Variants in YAP1 observed in about 807,000 individuals in gnomAD.
The protein encoded by YAP1 is transcriptional coactivator YAP1.
Under a neutral mutation model 56.9 loss-of-function variants are expected in YAP1, and 5 were observed. That is an observed-to-expected ratio of 0.09 (90% CI 0.05 to 0.18). The LOEUF is 0.18. Among genes scored for constraint, YAP1 ranks in the 10% least tolerant of loss-of-function variants. The pLI is 1.00. For missense variants in YAP1, 539 were observed against 651.8 expected (o/e 0.83, Z 1.88); for synonymous variants, 265 against 248.1 (o/e 1.07, Z -0.64).
intron 2 of YAP1, among the ~76,000 whole-genome samples, chr11:102,136,484 G>A (rs560228357): frequency 1.3e-5 from 2 of 152,030 alleles, no homozygotes; most frequent in South Asian, 2.1e-4. Context: ...GGGACTACAG[G>A]TGGGTACTGC....
intron 3 of YAP1, among the ~76,000 whole-genome samples, chr11:102,181,298 T>G (rs868658363): frequency 5.9e-5 from 9 of 151,724 alleles, no homozygotes; most frequent in South Asian, 2.1e-4. Flanking sequence ...ACAAAAAAAT[T>G]AGCCGAGCGT....
intron 1 of YAP1, chr11:102,112,633 G>C (rs1943026336): frequency 3.0e-6 from 3 of 984,794 alleles, no homozygotes; most frequent in African/African-American, 1.8e-5. Flanking sequence ...GAGACCAAAG[G>C]GTTTTGGAAC....
At chr11:102,182,248 G>T (rs1348126604) in intron 3 of YAP1, among the ~76,000 whole-genome samples, 4 of 152,174 alleles carry the variant, frequency 2.6e-5, no homozygotes, top group Non-Finnish European at 4.4e-5. Flanking sequence ...CCTTCCAGGT[G>T]ATTCTGATGA....
chr11:102,120,344 G>A (rs989682925), intron 2 of YAP1, among the ~76,000 whole-genome samples: 5 of 152,162 alleles, frequency 3.3e-5, no homozygotes, highest in African/African-American at 1.2e-4. Context: ...TCCTCATTTT[G>A]CTCCTAGCAT....
At chr11:102,128,114 A>G (rs1331689253) in intron 2 of YAP1, among the ~76,000 whole-genome samples, 1 of 152,124 alleles carries the variant, frequency 6.6e-6, no homozygotes, top group Non-Finnish European at 1.5e-5. Context: ...CTTTTGGGTT[A>G]ATGCTGAAAT....
At chr11:102,200,674 A>G (rs1336205750) in intron 4 of YAP1, among the ~76,000 whole-genome samples, 1 of 151,922 alleles carries the variant, frequency 6.6e-6, no homozygotes, top group Non-Finnish European at 1.5e-5. Flanking sequence ...CAAACTTCTG[A>G]CCTCTAGTGA....
chr11:102,161,861 C>G (rs1946311088), intron 2 of YAP1, among the ~76,000 whole-genome samples: 2 of 152,056 alleles, frequency 1.3e-5, no homozygotes, highest in Admixed American at 1.3e-4. Flanking sequence ...AGTAAGTTAA[C>G]AATTATGTAG....
intron 2 of YAP1, among the ~76,000 whole-genome samples, chr11:102,135,897 T>C (rs1042242452): frequency 6.6e-6 from 1 of 152,262 alleles, no homozygotes; most frequent in African/African-American, 2.4e-5. Context: ...TTTTTATTGC[T>C]GTATATTTTC....
chr11:102,148,866 A>G (rs1485075910), intron 2 of YAP1, among the ~76,000 whole-genome samples: 2 of 152,206 alleles, frequency 1.3e-5, no homozygotes, highest in African/African-American at 2.4e-5. Flanking sequence ...CCGATTGATA[A>G]CTTATTGGCT....
chr11:102,179,348 G>C (rs143769577), intron 3 of YAP1, among the ~76,000 whole-genome samples: 1 of 152,122 alleles, frequency 6.6e-6, no homozygotes, highest in Non-Finnish European at 1.5e-5. Flanking sequence ...GGGTGAAAAT[G>C]TGTATTATCC....
chr11:102,111,331 C>A (rs1038186653), intron 1 of YAP1, among the ~76,000 whole-genome samples, 162 bp downstream of exon 1: 3 of 152,054 alleles, frequency 2.0e-5, no homozygotes, highest in Non-Finnish European at 2.9e-5. Flanking sequence ...TCGTCCACTC[C>A]GCCGCGGTGA....
rs536832835 is a variant in YAP1, at chr11:102,231,031, G to A, written c.*1091G>A. 4 of 152,228 alleles carry A rather than the reference G, an allele frequency of 2.6e-5. No individual in the cohort carries two copies. The East Asian group carries it at 7.7e-4, about 29-fold the overall frequency. 9.4% of individuals were successfully genotyped at this position (152,228 alleles called of 1,614,324 possible). A position where few individuals can be genotyped will look rare whatever the true frequency, so the allele number is the denominator to read the frequency against. Reference sequence around the variant, plus strand: ...TTCACTGGTAGTTTAAATCTGGTTGGGGCAGTCTGCAGATGTTTGAAGTAG... The same window carrying A: ...TTCACTGGTAGTTTAAATCTGGTTGAGGCAGTCTGCAGATGTTTGAAGTAG... On this transcript the variant is annotated 3_prime_UTR_variant, in exon 9 of 9. Transcript: ENST00000282441.
At chr11:102,218,713 G>C (rs866303969) in intron 6 of YAP1, among the ~76,000 whole-genome samples, 57 of 152,238 alleles carry the variant, frequency 3.7e-4, no homozygotes, top group African/African-American at 1.4e-3. Flanking sequence ...TGTTTCCATA[G>C]CCCTTCAAGG....
In YAP1 at chr11:102,162,444, GT is replaced by G; in HGVS notation, c.573-8del. On this transcript the variant is annotated splice_polypyrimidine_tract_variant and intron_variant, in intron 2 of 8. Transcript: ENST00000282441. ...TATTTGTTTCCTAATGCAGTGGTTT[GT>G]TTTGTCTTAGTCACATCGATCAGAC... 3.7e-6 allele frequency: 6 copies of G among 1,611,144 alleles called. No homozygotes were observed. Among genetic ancestry groups the G allele is most frequent in the Non-Finnish European group, 5.1e-6 (6 of 1,177,380 alleles).
At chr11:102,211,378 G>C (rs993973895) in intron 6 of YAP1, among the ~76,000 whole-genome samples, 2 of 152,154 alleles carry the variant, frequency 1.3e-5, no homozygotes, top group African/African-American at 4.8e-5. Flanking sequence ...AAGATACGAA[G>C]ATTAGAGGTA....
At chr11:102,136,758 T>G (rs988905718) in intron 2 of YAP1, among the ~76,000 whole-genome samples, 1 of 152,204 alleles carries the variant, frequency 6.6e-6, no homozygotes, top group East Asian at 1.9e-4. Flanking sequence ...ATATCCAGTT[T>G]TCCTAGGACG....
At chr11:102,119,155 A>T (rs1252583434) in intron 2 of YAP1, among the ~76,000 whole-genome samples, 4 of 151,982 alleles carry the variant, frequency 2.6e-5, no homozygotes, top group African/African-American at 9.6e-5. Flanking sequence ...GGGAGAGCTT[A>T]CTTCTGCTCA....
At chr11:102,145,979 A>G (rs1194535021) in intron 2 of YAP1, among the ~76,000 whole-genome samples, 1 of 152,212 alleles carries the variant, frequency 6.6e-6, no homozygotes, top group Non-Finnish European at 1.5e-5. Flanking sequence ...TCTTTGACCC[A>G]GATAGTAAAG....
At chr11:102,169,880 A>G (rs925637431) in intron 3 of YAP1, among the ~76,000 whole-genome samples, 1 of 152,240 alleles carries the variant, frequency 6.6e-6, no homozygotes, top group South Asian at 2.1e-4. Context: ...ACTTAAAACT[A>G]TGGCCAATCC....
Sources: allele counts gnomAD v4.1 joint callset (sites outside exome capture counted in the v4.1 genomes callset), GRCh38; gene constraint gnomAD v4.1.1; transcripts MANE v1.5; gene names NCBI Gene and HGNC (gene_info 2026-07-23, HGNC 2026-07-21).